Variants in POLL observed in about 807,000 individuals in gnomAD.
POLL encodes DNA polymerase lambda, also known as DNA polymerase beta-2.
POLL carries 44 observed loss-of-function variants against 58.1 expected under a neutral mutation model. That is an observed-to-expected ratio of 0.76 (90% CI 0.60 to 0.97). The LOEUF is 0.97. Among genes scored for constraint, POLL ranks in the 50% least tolerant of loss-of-function variants. The pLI is 0.00. For missense variants in POLL, 632 were observed against 736.8 expected, an observed-to-expected ratio of 0.86 and a Z score of 1.65; for synonymous variants, 290 against 283.2, an observed-to-expected ratio of 1.02 and a Z score of -0.24.
At chr10:101,581,798 C>T (rs1284435714) in intron 7 of POLL, 1 of 152,062 alleles carries the variant, frequency 6.6e-6, no homozygotes, top group South Asian at 2.1e-4. Flanking sequence ...TAAAGCCTAA[C>T]TTTAACTCAA....
rs1420139771 is a variant in POLL at position 101,587,837 on chromosome 10, G to A, written c.-62C>T. 2.5e-6 allele frequency: 3 copies of A among 1,189,496 alleles called. No homozygotes were observed. Among genetic ancestry groups the A allele is most frequent in the South Asian group, 3.1e-5 (2 of 64,010 alleles). 73.7% of individuals were successfully genotyped at this position (1,189,496 alleles called of 1,614,324 possible). A position where few individuals can be genotyped will look rare whatever the true frequency, so the allele number is the denominator to read the frequency against. On this transcript the variant is annotated 5_prime_UTR_variant, in exon 1 of 9. Coordinates refer to ENST00000370162, the MANE Select transcript of POLL (RefSeq NM_001174084.2). Reference sequence around the variant, plus strand: ...ATTTCTCTACCTCCAACACAGACTCGCAGAGGAAGGAGGAGGACTTTCGGG... The same window carrying A: ...ATTTCTCTACCTCCAACACAGACTCACAGAGGAAGGAGGAGGACTTTCGGG...
rs1203066789 is a variant in POLL, at chr10:101,579,906, G to A, written c.1364-89C>T. The A allele has an allele frequency of 1.4e-6, 2 of 1,453,552 alleles. No individual in the cohort carries two copies. Among genetic ancestry groups the A allele is most frequent in the Non-Finnish European group, 1.8e-6 (2 of 1,083,912 alleles). 90.0% of individuals were successfully genotyped at this position (1,453,552 alleles called of 1,614,324 possible). ...AGGTCTCTCCTGATGTCTAAGCTGGGGCTTGCCCAGGTATTAGCTGGGTGA... is the reference window on the plus strand; with the variant it reads ...AGGTCTCTCCTGATGTCTAAGCTGGAGCTTGCCCAGGTATTAGCTGGGTGA... On this transcript the variant is annotated intron_variant, in intron 8 of 8. Coordinates refer to ENST00000370162, the MANE Select transcript of POLL (RefSeq NM_001174084.2). The surrounding 1 kb of genome is among the most constrained non-coding windows in gnomAD (Gnocchi z 4.4).
Position 101,580,112 on chromosome 10 carries a change from G to A in POLL, c.1363+136C>T. On this transcript the variant is annotated intron_variant, in intron 8 of 8. Transcript: ENST00000370162. This position sits in a 1 kb window ranked among gnomAD's most constrained non-coding sequence, Gnocchi z 4.1. Reference sequence around the variant, plus strand: ...TGGAGAGGATTCCGGCCCCGATAGAGAGATGGGATGCTGGCAAAGCACTGT... The same window carrying A: ...TGGAGAGGATTCCGGCCCCGATAGAAAGATGGGATGCTGGCAAAGCACTGT... 1.2e-6 allele frequency: 1 copy of A among 819,608 alleles called. No homozygotes were observed. Among genetic ancestry groups the A allele is most frequent in the Non-Finnish European group, 1.9e-6 (1 of 517,956 alleles). 50.8% of individuals were successfully genotyped at this position (819,608 alleles called of 1,614,324 possible). A position where few individuals can be genotyped will look rare whatever the true frequency, so the allele number is the denominator to read the frequency against.
Position 101,579,353 on chromosome 10 carries a change from G to T in POLL, c.*100C>A. 1 of 1,376,898 alleles carries T rather than the reference G, an allele frequency of 7.3e-7. No individual in the cohort carries two copies. Among genetic ancestry groups the T allele is most frequent in the Non-Finnish European group, 9.8e-7 (1 of 1,021,204 alleles). 85.3% of individuals were successfully genotyped at this position (1,376,898 alleles called of 1,614,324 possible). ...CTGCTCGCTGAGGAAGCTGGTGGTT[G>T]GAGCGGCGAGGTTCAGCCAGCTGAG... On this transcript the variant is annotated 3_prime_UTR_variant, in exon 9 of 9. Coordinates refer to ENST00000370162, the MANE Select transcript of POLL (RefSeq NM_001174084.2). This position sits in a 1 kb window ranked among gnomAD's most constrained non-coding sequence, Gnocchi z 4.4.
rs962265097 is a variant in POLL, at chr10:101,584,258, T to C, written c.891+344A>G. ...TTTGCAGGGCTGAGCCGAGGGTAGA[T>C]TGCTTGAGCCCAGGAGTTCAAGACC... On this transcript the variant is annotated intron_variant, in intron 5 of 8. Transcript: ENST00000370162. 5.3e-5 allele frequency among the ~76,000 whole-genome samples: 8 copies of C among 151,902 alleles called. No homozygotes were observed. The East Asian group carries it at 7.7e-4, about 15-fold the overall frequency.
chr10:101,583,100 C>A, intron 6 of POLL: 1 of 642,400 alleles, frequency 1.6e-6, no homozygotes. Context: ...TGCCACTATC[C>A]TAAGATGCTC....
At chr10:101,587,726 T>C (rs2063465545) in intron 1 of POLL, 96 bp downstream of exon 1, 1 of 1,164,588 alleles carries the variant, frequency 8.6e-7, no homozygotes, top group Non-Finnish European at 1.1e-6. Flanking sequence ...CGAAGGGCTT[T>C]ACCAAATGGG....
chr10:101,583,636 T>G lies in POLL; in HGVS notation c.937A>C (p.Ile313Leu), dbSNP rs2134628275. 6.2e-7 allele frequency: 1 copy of G among 1,614,154 alleles called. No homozygotes were observed. The highest frequency in any genetic ancestry group is 1.7e-4 in the Middle Eastern group (1 of 6,054). ...TGCCCGCTCTCCAGGATCTCTATGA[T>G]TTTCTCAGCCATCCGCTTCCCAATC... ...PGIGKRMAEK[I>L]IEILESGHLR... Residue 313 changes from isoleucine (I) to leucine (L), a missense_variant, in exon 6 of 9, where the codon ATC becomes CTC. Coordinates refer to ENST00000370162, the MANE Select transcript of POLL (RefSeq NM_001174084.2).
At position 101,580,000 on chromosome 10, in the gene POLL, G is replaced by T; in HGVS notation, c.1364-183C>A. ...TAGTAATTCCCATCTCCCCCATAGT[G>T]TCACAGAAAGATCAGATGAGATACT... On this transcript the variant is annotated intron_variant, in intron 8 of 8. Coordinates refer to ENST00000370162, the MANE Select transcript of POLL (RefSeq NM_001174084.2). This position sits in a 1 kb window ranked among gnomAD's most constrained non-coding sequence, Gnocchi z 4.4. The T allele has an allele frequency of 1.4e-6, 1 of 736,074 alleles. No homozygotes were observed. Among genetic ancestry groups the T allele is most frequent in the Non-Finnish European group, 2.2e-6 (1 of 459,492 alleles). 45.6% of individuals were successfully genotyped at this position (736,074 alleles called of 1,614,324 possible).
chr10:101,584,248 C>A (rs147777192), intron 5 of POLL, among the ~76,000 whole-genome samples: 3 of 151,782 alleles, frequency 2.0e-5, no homozygotes, highest in East Asian at 3.9e-4. Flanking sequence ...AGGGCTGAGC[C>A]GAGGGTAGAT....
chr10:101,581,871 T>C (rs1290137833), intron 7 of POLL: 2 of 151,862 alleles, frequency 1.3e-5, no homozygotes, highest in Non-Finnish European at 2.9e-5. Flanking sequence ...AGTGGCACAA[T>C]CTTGGCTCGC....
rs1482180922 is a variant in POLL at position 101,587,844 on chromosome 10, A to G, written c.-69T>C. ...TACCTCCAACACAGACTCGCAGAGG[A>G]AGGAGGAGGACTTTCGGGGGTGAGT... On this transcript the variant is annotated 5_prime_UTR_variant, in exon 1 of 9. Coordinates refer to ENST00000370162, the MANE Select transcript of POLL (RefSeq NM_001174084.2). The G allele has an allele frequency of 5.0e-6, 6 of 1,189,888 alleles. No homozygotes were observed. Among genetic ancestry groups the G allele is most frequent in the Non-Finnish European group, 6.4e-6 (6 of 942,194 alleles). 73.7% of individuals were successfully genotyped at this position (1,189,888 alleles called of 1,614,324 possible).
rs200393926 is a variant in POLL, at chr10:101,579,837, T to C, written c.1364-20A>G. On this transcript the variant is annotated intron_variant, in intron 8 of 8. Transcript: ENST00000370162. This position sits in a 1 kb window ranked among gnomAD's most constrained non-coding sequence, Gnocchi z 4.4. ...GGAACCCTGGCCCAACAGAGGGGACTGCTGGGAGGGCAGGGAACCAGGCCT... is the reference window on the plus strand; with the variant it reads ...GGAACCCTGGCCCAACAGAGGGGACCGCTGGGAGGGCAGGGAACCAGGCCT... The C allele has an allele frequency of 2.5e-6, 4 of 1,602,042 alleles. No individual in the cohort carries two copies. The highest frequency in any genetic ancestry group is 1.7e-5 in the Admixed American group (1 of 59,270).
chr10:101,579,904 G>A lies in POLL; in HGVS notation c.1364-87C>T. On this transcript the variant is annotated intron_variant, in intron 8 of 8. Transcript: ENST00000370162. This position sits in a 1 kb window ranked among gnomAD's most constrained non-coding sequence, Gnocchi z 4.4. ...CCAGGTCTCTCCTGATGTCTAAGCT[G>A]GGGCTTGCCCAGGTATTAGCTGGGT... 2 of 1,474,072 alleles carry A rather than the reference G, an allele frequency of 1.4e-6. No homozygotes were observed. The highest frequency in any genetic ancestry group is 1.8e-6 in the Non-Finnish European group (2 of 1,099,446). The allele number at this position is 1,474,072 out of a possible 1,614,324, so 91.3% of individuals were successfully genotyped here.
Position 101,588,231 on chromosome 10 carries a change from G to C in POLL, c.-456C>G, listed in dbSNP as rs28372815. The C allele has an allele frequency of 3.7e-5, 57 of 1,549,804 alleles. No individual in the cohort carries two copies. The highest frequency in any genetic ancestry group is 1.2e-4 in the East Asian group (5 of 41,222). On this transcript the variant is annotated 5_prime_UTR_variant, in exon 1 of 9. Coordinates refer to ENST00000370162, the MANE Select transcript of POLL (RefSeq NM_001174084.2). ...GCAGAGCCAATGAGAGCGGACGAAGGGGGGAAGGAGGGCAAATGGCCAGAA... is the reference window on the plus strand; with the variant it reads ...GCAGAGCCAATGAGAGCGGACGAAGCGGGGAAGGAGGGCAAATGGCCAGAA...
chr10:101,585,127 C>T (rs1251220669), intron 4 of POLL, among the ~76,000 whole-genome samples, 189 bp downstream of exon 4: 1 of 152,134 alleles, frequency 6.6e-6, no homozygotes, highest in Non-Finnish European at 1.5e-5. Context: ...CTAGGATCCC[C>T]AGTGGTATGT....
chr10:101,587,942 T>TG lies in POLL; in HGVS notation c.-168dup, dbSNP rs1179429406. On this transcript the variant is annotated 5_prime_UTR_variant, in exon 1 of 9. Coordinates refer to ENST00000370162, the MANE Select transcript of POLL (RefSeq NM_001174084.2). The stretch of plus-strand genomic sequence containing the variant: ...GCTCAGCGCCGCAGCTGCGGGGAGA[T>TG]GGGGCACGGCCGCAGCAGGTGTGGG... 1 of 1,239,240 alleles carries TG rather than the reference T, an allele frequency of 8.1e-7. No homozygotes were observed. The highest frequency in any genetic ancestry group is 5.4e-5 in the East Asian group (1 of 18,436). 76.8% of individuals were successfully genotyped at this position (1,239,240 alleles called of 1,614,324 possible).
Position 101,584,609 on chromosome 10 carries a change from G to C in POLL, c.884C>G (p.Ser295Trp), listed in dbSNP as rs368623787. The change falls in exon 5 of 9, where the codon TCG becomes TGG. Residue 295 changes from serine to tryptophan, a missense_variant. Ser to Trp is a radical substitution (Grantham distance 177). Transcript: ENST00000370162. ...ALKSFHKPVT[S>W]YQEACSIPGI... is the part of the protein sequence containing the mutation. ...ACTCTAGCCCCTGGGTACCTGGTACGAGGTGACAGGCTTATGGAAGCTCTT... is the reference window on the plus strand; with the variant it reads ...ACTCTAGCCCCTGGGTACCTGGTACCAGGTGACAGGCTTATGGAAGCTCTT... The C allele has an allele frequency of 4.5e-6, 7 of 1,558,442 alleles. No homozygotes were observed. The African/African-American group carries it at 9.6e-5, about 21-fold the overall frequency.
At chr10:101,586,489 T>A in intron 2 of POLL, among the ~76,000 whole-genome samples, 1 of 152,252 alleles carries the variant, frequency 6.6e-6, no homozygotes, top group African/African-American at 2.4e-5. Context: ...GTTTGTTTTG[T>A]TTTCTTTTGT....
Sources: gnomAD v4.1 joint callset for allele counts (sites outside exome capture counted in the v4.1 genomes callset) on GRCh38, gnomAD v4.1.1 for gene constraint, Gnocchi (gnomAD v3.1) non-coding constraint, MANE v1.5 for transcripts, NCBI Gene and HGNC (gene_info 2026-07-23, HGNC 2026-07-21) for gene names.